Variants in POMGNT2 observed in about 807,000 individuals in gnomAD.
The protein encoded by POMGNT2 is protein O-linked-mannose beta-1,4-N-acetylglucosaminyltransferase 2.
POMGNT2 carries 32 observed loss-of-function variants against 37.8 expected under a neutral mutation model. The observed-to-expected ratio is 0.85, with a 90% CI of 0.64 to 1.14. The LOEUF is 1.14. Ranked by LOEUF, POMGNT2 falls within the 50% of genes most tolerant of loss-of-function variation. The pLI, the probability that POMGNT2 is intolerant of heterozygous loss-of-function variation, is 0.00. For synonymous variants in POMGNT2, 340 were observed against 336.8 expected, an observed-to-expected ratio of 1.01 and a Z score of -0.10; for missense variants, 705 against 780.6, an observed-to-expected ratio of 0.90 and a Z score of 1.15.
intron 1 of POMGNT2, among the ~76,000 whole-genome samples, chr3:43,102,519 G>A (rs562412735): frequency 6.6e-6 from 1 of 152,292 alleles, no homozygotes; most frequent in South Asian, 2.1e-4. Flanking sequence ...AAAAAAGGAT[G>A]TTGGCCTCTG....
chr3:43,092,695 C>G (rs113050220), intron 1 of POMGNT2, among the ~76,000 whole-genome samples: 1 of 152,122 alleles, frequency 6.6e-6, no homozygotes, highest in Non-Finnish European at 1.5e-5. Context: ...AGACAGAACC[C>G]GACAGGGGGA....
intron 1 of POMGNT2, among the ~76,000 whole-genome samples, chr3:43,091,778 C>T (rs1179924877): frequency 6.6e-6 from 1 of 152,210 alleles, no homozygotes; most frequent in Admixed American, 6.5e-5. Flanking sequence ...GAGACAAGAC[C>T]TCACTTCTGT....
intron 1 of POMGNT2, among the ~76,000 whole-genome samples, chr3:43,084,777 T>C (rs2089883027): frequency 6.6e-6 from 1 of 152,264 alleles, no homozygotes; most frequent in Admixed American, 6.5e-5. Flanking sequence ...TCGCTGATTC[T>C]TTCCTGTGTC....
intron 1 of POMGNT2, among the ~76,000 whole-genome samples, chr3:43,097,743 T>C (rs2125710461): frequency 6.6e-6 from 1 of 152,312 alleles, no homozygotes; most frequent in African/African-American, 2.4e-5. Flanking sequence ...TCTTCTGATT[T>C]TCCCAGAGAA....
At chr3:43,089,650 G>GA (rs1319792835) in intron 1 of POMGNT2, among the ~76,000 whole-genome samples, 1 of 152,122 alleles carries the variant, frequency 6.6e-6, no homozygotes, top group Non-Finnish European at 1.5e-5. Context: ...GCCTAGAAGG[G>GA]AGCGCACAGA....
intron 1 of POMGNT2, among the ~76,000 whole-genome samples, chr3:43,099,477 A>G (rs147281560): frequency 6.6e-6 from 1 of 152,286 alleles, no homozygotes; most frequent in African/African-American, 2.4e-5. Flanking sequence ...AGTTCTCACA[A>G]ATGTCCAGCA....
intron 1 of POMGNT2, among the ~76,000 whole-genome samples, chr3:43,086,634 G>T (rs910266106): frequency 1.3e-5 from 2 of 152,164 alleles, no homozygotes; most frequent in African/African-American, 2.4e-5. Flanking sequence ...CTATCACTTT[G>T]CTCTGTGACA....
At position 43,081,203 on chromosome 3, in the gene POMGNT2, G is replaced by A. The variant is rs143806708; in HGVS notation, c.229C>T (p.Arg77Cys). The change falls in exon 2 of 2, where the codon CGC becomes TGC. Residue 77 changes from arginine to cysteine, a missense_variant. Physicochemically the swap from Arg to Cys is radical, Grantham distance 180. Transcript: ENST00000344697. ...MVCTGRTHTD[R>C]ICRFKWLCYS... ...CAGAGCCACTTGAAGCGGCAGATGC[G>A]GTCTGTGTGCGTGCGGCCCGTGCAC... 50 of 1,613,984 alleles carry A rather than the reference G, an allele frequency of 3.1e-5. No individual in the cohort carries two copies. The highest frequency in any genetic ancestry group is 4.5e-5 in the East Asian group (2 of 44,884).
rs140400295 is a variant in POMGNT2, at chr3:43,079,966, C to G, written c.1466G>C (p.Arg489Pro). Residue 489 changes from arginine (R) to proline (P), a missense_variant, in exon 2 of 2, where the codon CGG becomes CCG. Physicochemically the swap from Arg to Pro is moderately radical, Grantham distance 103 (BLOSUM62 -2). Coordinates refer to ENST00000344697, the MANE Select transcript of POMGNT2 (RefSeq NM_032806.6). The stretch of plus-strand genomic sequence containing the variant: ...GGCGCCATGCACTGACGCCTGGCAC[C>G]GTGCCTCCCGCACCTTGCCTGGATA... The part of the protein sequence containing the change: ...GLYPGKVREA[R>P]CQASVHGASE... The G allele has an allele frequency of 6.2e-7, 1 of 1,613,856 alleles. No individual in the cohort carries two copies. The highest frequency in any genetic ancestry group is 1.7e-5 in the Admixed American group (1 of 60,012).
At chr3:43,083,890 T>A (rs1285543136) in intron 1 of POMGNT2, among the ~76,000 whole-genome samples, 1 of 152,254 alleles carries the variant, frequency 6.6e-6, no homozygotes, top group Non-Finnish European at 1.5e-5. Context: ...GTTAGTTCAC[T>A]ATTCTTTTAA....
At chr3:43,085,024 G>C (rs1002036909) in intron 1 of POMGNT2, among the ~76,000 whole-genome samples, 4 of 151,896 alleles carry the variant, frequency 2.6e-5, no homozygotes, top group African/African-American at 9.7e-5. Flanking sequence ...ACTGTTGGGC[G>C]GGGGTGGGCA....
intron 1 of POMGNT2, among the ~76,000 whole-genome samples, chr3:43,091,094 G>A (rs1417344419): frequency 6.6e-6 from 1 of 152,216 alleles, no homozygotes; most frequent in Non-Finnish European, 1.5e-5. Flanking sequence ...GGGCCTGGAA[G>A]CAATGACAGT....
At chr3:43,082,577 G>A (rs550403133) in intron 1 of POMGNT2, among the ~76,000 whole-genome samples, 57 of 152,310 alleles carry the variant, frequency 3.7e-4, no homozygotes, top group African/African-American at 1.3e-3. Context: ...TATTGTGAAG[G>A]GTATCATGCC....
At position 43,081,529 on chromosome 3, in the gene POMGNT2, G is replaced by A. The variant is rs2089856619; in HGVS notation, c.-98C>T. 2.9e-6 allele frequency: 3 copies of A among 1,018,178 alleles called. No individual in the cohort carries two copies. The highest frequency in any genetic ancestry group is 4.2e-6 in the Non-Finnish European group (3 of 711,774). The allele number at this position is 1,018,178 out of a possible 1,614,324, so 63.1% of individuals were successfully genotyped here. ...ATCCCTATGGGCATCCTGAGAACTGGTGAAAGCCTGCAGGAGGAGAGAAGG... is the reference window on the plus strand; with the variant it reads ...ATCCCTATGGGCATCCTGAGAACTGATGAAAGCCTGCAGGAGGAGAGAAGG... On this transcript the variant is annotated 5_prime_UTR_variant, in exon 2 of 2. Transcript: ENST00000344697.
intron 1 of POMGNT2, among the ~76,000 whole-genome samples, chr3:43,092,926 T>C (rs772046427): frequency 1.3e-5 from 2 of 152,232 alleles, no homozygotes; most frequent in African/African-American, 4.8e-5. Flanking sequence ...GCATGCCCTA[T>C]GAGCTGATGC....
chr3:43,083,822 T>C (rs1276124340), intron 1 of POMGNT2, among the ~76,000 whole-genome samples: 1 of 152,236 alleles, frequency 6.6e-6, no homozygotes, highest in Non-Finnish European at 1.5e-5. Flanking sequence ...TGTTCGTCCC[T>C]CATTCCTGAT....
At chr3:43,103,180 T>A (rs2125712982) in intron 1 of POMGNT2, among the ~76,000 whole-genome samples, 1 of 152,224 alleles carries the variant, frequency 6.6e-6, no homozygotes, top group African/African-American at 2.4e-5. Context: ...TTCCTCCAAC[T>A]CTTTATTTCA....
At chr3:43,105,280 A>T (rs2090049489) in intron 1 of POMGNT2, among the ~76,000 whole-genome samples, 1 of 152,176 alleles carries the variant, frequency 6.6e-6, no homozygotes, top group Non-Finnish European at 1.5e-5. Flanking sequence ...TGGCACTGCC[A>T]AGCAGGCCGT....
chr3:43,105,245 TG>T (rs1277496447), intron 1 of POMGNT2, among the ~76,000 whole-genome samples: 3 of 152,290 alleles, frequency 2.0e-5, no homozygotes, highest in South Asian at 2.1e-4. Context: ...AGGAGTTCAC[TG>T]GGTTCCTTCT....
Sources: allele counts gnomAD v4.1 joint callset (sites outside exome capture counted in the v4.1 genomes callset), GRCh38; gene constraint gnomAD v4.1.1; transcripts MANE v1.5; gene names NCBI Gene and HGNC (gene_info 2026-07-23, HGNC 2026-07-21).